CDC42BPB: variants seen among roughly 807,000 people sequenced by gnomAD.
CDC42BPB encodes the protein serine/threonine-protein kinase MRCK beta.
Under a neutral mutation model 214.9 loss-of-function variants are expected in CDC42BPB, and 37 were observed. The observed-to-expected ratio is 0.17, with a 90% CI of 0.13 to 0.23. CDC42BPB has a LOEUF of 0.23. Ranked by LOEUF, CDC42BPB falls within the 10% of genes least tolerant of loss-of-function variation. The pLI, the probability that CDC42BPB is intolerant of heterozygous loss-of-function variation, is 1.00. For missense variants in CDC42BPB, 1,694 were observed against 2,227.0 expected (o/e 0.76, Z 4.82); for synonymous variants, 931 against 884.0 (o/e 1.05, Z -0.94).
chr14:103,013,555 G>A (rs34507221), intron 1 of CDC42BPB, among the ~76,000 whole-genome samples: 8 of 152,340 alleles, frequency 5.3e-5, no homozygotes, highest in Non-Finnish European at 1.2e-4. Context: ...GTAACCAAGT[G>A]AAAATAATGG....
chr14:102,972,881 A>G (rs1459634459), intron 12 of CDC42BPB, among the ~76,000 whole-genome samples: 1 of 152,122 alleles, frequency 6.6e-6, no homozygotes, highest in Non-Finnish European at 1.5e-5. Context: ...ACATAAGCAA[A>G]ATCAAAAAGA....
chr14:103,041,521 C>A, intron 1 of CDC42BPB: 1 of 1,396,776 alleles, frequency 7.2e-7, no homozygotes, highest in Non-Finnish European at 1.0e-6. Context: ...GGACTGGCAG[C>A]TGGCTCGTGG....
intron 5 of CDC42BPB, 135 bp downstream of exon 5, chr14:102,999,430 G>T: frequency 1.3e-6 from 1 of 754,228 alleles, no homozygotes; most frequent in Non-Finnish European, 2.2e-6. Flanking sequence ...GGGCAAATCA[G>T]TCTGTGCTGC....
intron 1 of CDC42BPB, 110 bp downstream of exon 1, chr14:103,056,889 C>T: frequency 2.9e-6 from 2 of 688,238 alleles, no homozygotes; most frequent in Non-Finnish European, 2.0e-6. Flanking sequence ...GCTGGGTGGG[C>T]AGGAGGGCGG....
In CDC42BPB at chr14:102,981,106, G is replaced by GA. The variant is rs1441490829; in HGVS notation, c.892-86dup. On this transcript the variant is annotated intron_variant, in intron 7 of 36. Transcript: ENST00000361246. ...TACAGATATGATAGGAAACAAAGTA[G>GA]AAATGGTAGCTTCAAAGCAGGTCAC... 6 of 1,574,730 alleles carry GA rather than the reference G, an allele frequency of 3.8e-6. No individual in the cohort carries two copies. In the East Asian group the frequency reaches 1.4e-4, roughly 36 times the overall value.
intron 26 of CDC42BPB, among the ~76,000 whole-genome samples, chr14:102,949,155 GTGATGCGT>G (rs912576828): frequency 6.6e-6 from 1 of 152,202 alleles, no homozygotes; most frequent in African/African-American, 2.4e-5. Context: ...AGGCCTCTTA[GTGATGCGT>G]TTACCTTCAC....
intron 1 of CDC42BPB, 116 bp downstream of exon 1, chr14:103,056,883 G>A (rs1889009291): frequency 1.5e-6 from 1 of 671,538 alleles, no homozygotes; most frequent in Non-Finnish European, 2.2e-6. Context: ...CCACGAGCTG[G>A]GTGGGCAGGA....
At chr14:102,958,796 C>T (rs1228540002) in intron 21 of CDC42BPB, among the ~76,000 whole-genome samples, 3 of 152,048 alleles carry the variant, frequency 2.0e-5, no homozygotes, top group Non-Finnish European at 4.4e-5. Context: ...TCTACAGCTA[C>T]ACAGATGGAA....
intron 14 of CDC42BPB, 142 bp from the exon 15 acceptor site, chr14:102,968,858 G>A (rs1359436372): frequency 2.6e-5 from 38 of 1,480,206 alleles, no homozygotes; most frequent in Non-Finnish European, 3.4e-5. Flanking sequence ...TGACGTAGCT[G>A]ACCTGGCTAA....
At chr14:103,047,231 C>T (rs983455642) in intron 1 of CDC42BPB, among the ~76,000 whole-genome samples, 1 of 146,118 alleles carries the variant, frequency 6.8e-6, no homozygotes, top group Non-Finnish European at 1.5e-5. Context: ...TTCCTGTGAG[C>T]TCAGATCACG....
At chr14:102,966,536 G>T in intron 17 of CDC42BPB, 149 bp from the exon 18 acceptor site, 1 of 1,431,784 alleles carries the variant, frequency 7.0e-7, no homozygotes. Flanking sequence ...GTATACACGG[G>T]ATCTCATTGA....
At chr14:102,972,549 C>T (rs962518663) in intron 12 of CDC42BPB, among the ~76,000 whole-genome samples, 1 of 151,854 alleles carries the variant, frequency 6.6e-6, no homozygotes, top group Non-Finnish European at 1.5e-5. Flanking sequence ...ATTAGCTGGG[C>T]GTGGTGGTGG....
intron 27 of CDC42BPB, among the ~76,000 whole-genome samples, chr14:102,947,425 G>A (rs562660336): frequency 4.7e-4 from 71 of 152,208 alleles, no homozygotes; most frequent in African/African-American, 1.6e-3. Flanking sequence ...CAGTGCACAC[G>A]CTGTGAGGAC....
chr14:103,053,537 A>G (rs555236305), intron 1 of CDC42BPB, among the ~76,000 whole-genome samples: 2,526 of 151,616 alleles, frequency 0.017, 32 homozygotes, highest in Admixed American at 0.049. Flanking sequence ...CAAGGGGGGC[A>G]GATCACGAGG....
intron 3 of CDC42BPB, 117 bp downstream of exon 3, chr14:103,008,354 CG>C (rs1425333831): frequency 9.8e-6 from 7 of 714,004 alleles, no homozygotes; most frequent in Non-Finnish European, 1.8e-5. Context: ...TCGCTCTGTC[CG>C]GGGGGCAGGG....
intron 27 of CDC42BPB, among the ~76,000 whole-genome samples, chr14:102,947,457 G>A (rs1232106401): frequency 6.6e-6 from 1 of 152,202 alleles, no homozygotes; most frequent in Admixed American, 6.5e-5. Context: ...CGTGGACTGA[G>A]TGGAAGAGGA....
Position 102,954,653 on chromosome 14 carries a change from C to G in CDC42BPB, c.2937G>C (p.Pro979=). The G allele has an allele frequency of 6.2e-7, 1 of 1,613,998 alleles. No homozygotes were observed. Among genetic ancestry groups the G allele is most frequent in the Non-Finnish European group, 8.5e-7 (1 of 1,179,974 alleles). The change falls in exon 22 of 37, where the codon CCG becomes CCC. Residue 979 remains proline, a synonymous_variant. Coordinates refer to ENST00000361246, the MANE Select transcript of CDC42BPB (RefSeq NM_006035.4). ...SSASEQETQA[P]KPEASPSMSV... ...ACATCGACGGGGACGCTTCTGGCTT[C>G]GGAGCTTGTGTTTCTTGCTCACTAG... is the stretch of plus-strand genomic sequence containing the variant.
Position 102,940,028 on chromosome 14 carries a change from G to A in CDC42BPB, c.4591+18C>T, listed in dbSNP as rs201439054. 1.2e-5 allele frequency: 19 copies of A among 1,613,934 alleles called. No homozygotes were observed. The Admixed American group carries it at 2.5e-4, about 21-fold the overall frequency. ...CCAACTTCCCTTCCCTCCACTCCCG[G>A]TGCAGAGGAAGGCTCACCCGAGAAC... On this transcript the variant is annotated intron_variant, in intron 32 of 36. Coordinates refer to ENST00000361246, the MANE Select transcript of CDC42BPB (RefSeq NM_006035.4).
In CDC42BPB at chr14:103,004,600, G is replaced by A. The variant is rs1011883070; in HGVS notation, c.352-577C>T. Among the ~76,000 whole-genome samples, 3 of 152,186 alleles carry A rather than the reference G, an allele frequency of 2.0e-5. No individual in the cohort carries two copies. Among genetic ancestry groups the A allele is most frequent in the Non-Finnish European group, 4.4e-5 (3 of 68,030 alleles). On this transcript the variant is annotated intron_variant, in intron 3 of 36. Coordinates refer to ENST00000361246, the MANE Select transcript of CDC42BPB (RefSeq NM_006035.4). The surrounding 1 kb of genome is among the most constrained non-coding windows in gnomAD (Gnocchi z 5.3). ...CCAAAAGAGTTTTAATGCCCAGGTG[G>A]CATCTCCGTTTAAAAGTCACCAGGC...
Sources: gnomAD v4.1 joint callset for allele counts (sites outside exome capture counted in the v4.1 genomes callset) on GRCh38, gnomAD v4.1.1 for gene constraint, Gnocchi (gnomAD v3.1) non-coding constraint, MANE v1.5 for transcripts, NCBI Gene and HGNC (gene_info 2026-07-23, HGNC 2026-07-21) for gene names.